AXDND1: variants seen among roughly 807,000 people sequenced by gnomAD.
AXDND1 encodes the protein axonemal dynein light chain domain-containing protein 1.
A neutral mutation model predicts 137.5 loss-of-function variants in AXDND1; 110 were observed. That is an observed-to-expected ratio of 0.80 (90% confidence interval 0.69 to 0.94). The LOEUF (loss-of-function observed/expected upper bound fraction) is 0.94. AXDND1 is among the 40% of genes least tolerant of loss of function. AXDND1 has a pLI of 0.00. For synonymous variants in AXDND1, 414 were observed against 399.7 expected (o/e 1.04, Z -0.43); for missense variants, 1,191 against 1,169.8 (o/e 1.02, Z -0.26).
At chr1:179,403,004 G>A (rs1329321002) in intron 11 of AXDND1, among the ~76,000 whole-genome samples, 1 of 152,140 alleles carries the variant, frequency 6.6e-6, no homozygotes, top group Non-Finnish European at 1.5e-5. Flanking sequence ...GTTGAACAAT[G>A]TAGGGGTTAG....
intron 6 of AXDND1, 119 bp from the exon 7 acceptor site, chr1:179,382,581 C>T: frequency 1.5e-6 from 1 of 654,558 alleles, no homozygotes; most frequent in Admixed American, 2.6e-5. Context: ...AAGCAGTACT[C>T]ATTCCTTTTA....
At chr1:179,392,268 C>T (rs1178274890) in intron 9 of AXDND1, among the ~76,000 whole-genome samples, 2 of 152,192 alleles carry the variant, frequency 1.3e-5, no homozygotes, top group Non-Finnish European at 2.9e-5. Context: ...GAATAATGGT[C>T]TCAAACTCCA....
intron 4 of AXDND1, among the ~76,000 whole-genome samples, chr1:179,376,402 T>C (rs1266609404): frequency 6.6e-6 from 1 of 152,158 alleles, no homozygotes; most frequent in East Asian, 1.9e-4. Flanking sequence ...GAATACTGTA[T>C]TTTCAGTCAG....
intron 15 of AXDND1, among the ~76,000 whole-genome samples, chr1:179,444,672 C>G (rs1387737487): frequency 1.4e-5 from 2 of 147,760 alleles, no homozygotes; most frequent in East Asian, 2.0e-4. Context: ...ACATGCTTAG[C>G]TTTGTAGGAC....
chr1:179,393,907 A>C lies in AXDND1; in HGVS notation c.868A>C (p.Arg290=). ...TTTTGGTTGTTTGTCATGCAGAGAG[A>C]GGTATGTGCAAATGCTTGACCAGAT... ...RGELLSKVRE[R]YVQMLDQIAR... is the part of the protein sequence containing the mutation. Residue 290 remains arginine, a synonymous_variant, in exon 10 of 26, where the codon AGG becomes CGG. Coordinates refer to ENST00000367618, the MANE Select transcript of AXDND1 (RefSeq NM_144696.6). 1 of 1,591,068 alleles carries C rather than the reference A, an allele frequency of 6.3e-7. No homozygotes were observed. Among genetic ancestry groups the C allele is most frequent in the Non-Finnish European group, 8.5e-7 (1 of 1,172,156 alleles).
At chr1:179,468,270 A>G (rs940643353) in intron 16 of AXDND1, among the ~76,000 whole-genome samples, 173 bp from the exon 17 acceptor site, 2 of 152,238 alleles carry the variant, frequency 1.3e-5, no homozygotes, top group Non-Finnish European at 2.9e-5. Flanking sequence ...GTGCTTATTC[A>G]TTAAACATTT....
chr1:179,554,615 AC>A lies in AXDND1; in HGVS notation c.*97del, dbSNP rs1673803293. 3.8e-6 allele frequency: 6 copies of A among 1,562,860 alleles called. No homozygotes were observed. Among genetic ancestry groups the A allele is most frequent in the Non-Finnish European group, 5.3e-6 (6 of 1,133,824 alleles). On this transcript the variant is annotated 3_prime_UTR_variant, in exon 26 of 26. Transcript: ENST00000367618. ...TAAACCCTGGTGGCCATTGTTCTGT[AC>A]TAAGGAACAACATTCCCTTTGAAAG... is the stretch of plus-strand genomic sequence containing the variant.
chr1:179,486,821 G>A (rs1666137910), intron 18 of AXDND1, among the ~76,000 whole-genome samples: 2 of 148,642 alleles, frequency 1.3e-5, no homozygotes, highest in Admixed American at 1.3e-4. Flanking sequence ...AGGAGGTCCT[G>A]AAGAGAGTGC....
chr1:179,368,831 G>C lies in AXDND1; in HGVS notation c.129G>C (p.Met43Ile), dbSNP rs777615841. 1 of 1,613,296 alleles carries C rather than the reference G, an allele frequency of 6.2e-7. No individual in the cohort carries two copies. Among genetic ancestry groups the C allele is most frequent in the South Asian group, 1.1e-5 (1 of 91,030 alleles). The part of the protein sequence containing the change: ...GLPELKEKKN[M>I]VDRSKLLPTS... Reference sequence around the variant, plus strand: ...CTGAGCTAAAGGAGAAAAAAAATATGGTGGATCGTTCAAAACTCCTTCCTA... The same window carrying C: ...CTGAGCTAAAGGAGAAAAAAAATATCGTGGATCGTTCAAAACTCCTTCCTA... The change falls in exon 3 of 26, where the codon ATG becomes ATC. Residue 43 changes from methionine (M) to isoleucine (I), a missense_variant. Physicochemically the swap from Met to Ile is conservative, Grantham distance 10. Transcript: ENST00000367618.
intron 12 of AXDND1, among the ~76,000 whole-genome samples, chr1:179,421,118 G>T (rs1364952444): frequency 1.5e-5 from 2 of 129,264 alleles, no homozygotes; most frequent in East Asian, 2.2e-4. Flanking sequence ...GTCAAAGATG[G>T]TTGGCTATAT....
chr1:179,433,985 C>CT (rs1026846508), intron 15 of AXDND1, among the ~76,000 whole-genome samples: 4 of 151,930 alleles, frequency 2.6e-5, no homozygotes, highest in Admixed American at 6.6e-5. Context: ...ATTGTGGAGT[C>CT]TAAGTCTCTT....
rs78181078 is a variant in AXDND1, at chr1:179,459,559, C to T, written c.1799-8884C>T. ...CTTTTTATTCTCATATTGCTCCCTT[C>T]CTACGTTTGCATTTGCTTTCTGGAA... is the stretch of plus-strand genomic sequence containing the variant. On this transcript the variant is annotated intron_variant, in intron 16 of 25. Coordinates refer to ENST00000367618, the MANE Select transcript of AXDND1 (RefSeq NM_144696.6). 8.7e-3 allele frequency among the ~76,000 whole-genome samples: 1,317 copies of T among 152,070 alleles called. 39 individuals carry two copies. Among genetic ancestry groups the T allele is most frequent in the Admixed American group, 0.056 (849 of 15,276 alleles).
At chr1:179,417,974 A>ATT (rs958351935) in intron 12 of AXDND1, among the ~76,000 whole-genome samples, 1 of 149,470 alleles carries the variant, frequency 6.7e-6, no homozygotes, top group Admixed American at 6.6e-5. Flanking sequence ...ATTTTTATTT[A>ATT]TTTATTTTTA....
intron 15 of AXDND1, among the ~76,000 whole-genome samples, chr1:179,444,514 A>T (rs1659452485): frequency 6.6e-6 from 1 of 152,102 alleles, no homozygotes; most frequent in African/African-American, 2.4e-5. Context: ...ATATTTATTG[A>T]TATGTCATGT....
rs1649046717 is a variant in AXDND1 at position 179,385,452 on chromosome 1, C to T, written c.863+93C>T. 3 of 1,391,556 alleles carry T rather than the reference C, an allele frequency of 2.2e-6. No homozygotes were observed. In the Admixed American group the frequency reaches 5.6e-5, roughly 26 times the overall value. 86.2% of individuals were successfully genotyped at this position (1,391,556 alleles called of 1,614,324 possible). On this transcript the variant is annotated intron_variant, in intron 9 of 25. Coordinates refer to ENST00000367618, the MANE Select transcript of AXDND1 (RefSeq NM_144696.6). ...CTTTTGAGAATGCCACAAAAGTGCA[C>T]TTCTCTATTCTACTGATCGTAAGTA... is the stretch of plus-strand genomic sequence containing the variant.
In AXDND1 at chr1:179,445,026, T is replaced by C; in HGVS notation, c.1620T>C (p.Asp540=). 2.5e-6 allele frequency: 4 copies of C among 1,613,196 alleles called. No homozygotes were observed. Among genetic ancestry groups the C allele is most frequent in the Non-Finnish European group, 3.4e-6 (4 of 1,179,280 alleles). ...FTGDVLLSKY[D]TLKIIKHLQE... is the part of the protein sequence containing the mutation. ...GGGATGTTCTACTGTCAAAATACGATACTCTCAAGATTATTAAACATTTAC... is the reference window on the plus strand; with the variant it reads ...GGGATGTTCTACTGTCAAAATACGACACTCTCAAGATTATTAAACATTTAC... The change falls in exon 16 of 26, where the codon GAT becomes GAC. Residue 540 remains aspartate (D), a synonymous_variant. Coordinates refer to ENST00000367618, the MANE Select transcript of AXDND1 (RefSeq NM_144696.6).
At position 179,554,686 on chromosome 1, in the gene AXDND1, G is replaced by A. The variant is rs1673810547; in HGVS notation, c.*167G>A. The A allele has an allele frequency of 2.0e-6, 2 of 1,025,044 alleles. No individual in the cohort carries two copies. The highest frequency in any genetic ancestry group is 1.6e-5 in the African/African-American group (1 of 62,700). The allele number at this position is 1,025,044 out of a possible 1,614,324, so 63.5% of individuals were successfully genotyped here. The stretch of plus-strand genomic sequence containing the variant: ...ATTTAACTTCACAGTGCCTTGCAAA[G>A]AGTTGTTTAACTTGCATGGTGCCAC... On this transcript the variant is annotated 3_prime_UTR_variant, in exon 26 of 26. Coordinates refer to ENST00000367618, the MANE Select transcript of AXDND1 (RefSeq NM_144696.6).
intron 16 of AXDND1, chr1:179,448,721 C>T (rs1185720565): frequency 6.0e-6 from 1 of 166,450 alleles, no homozygotes; most frequent in African/African-American, 2.4e-5. Flanking sequence ...TTTTTAATTT[C>T]AATGAAGTCC....
Position 179,368,935 on chromosome 1 carries a change from A to G in AXDND1, c.233A>G (p.Glu78Gly), listed in dbSNP as rs946550624. The G allele has an allele frequency of 3.7e-6, 6 of 1,613,768 alleles. No individual in the cohort carries two copies. The African/African-American group carries it at 8.0e-5, about 22-fold the overall frequency. Residue 78 changes from glutamate to glycine, a missense_variant, in exon 3 of 26, where the codon GAA becomes GGA. Transcript: ENST00000367618. ...TYAANAGPCPENLLPPKKIKT... is the reference protein window; with the variant it reads ...TYAANAGPCPGNLLPPKKIKT... ...GCGGCCAATGCTGGTCCTTGTCCTG[A>G]AAACTTACTACCTCCTAAGAAAATT...
Sources: gnomAD v4.1 joint callset for allele counts (sites outside exome capture counted in the v4.1 genomes callset) on GRCh38, gnomAD v4.1.1 for gene constraint, MANE v1.5 for transcripts, NCBI Gene and HGNC (gene_info 2026-07-23, HGNC 2026-07-21) for gene names.